GYG1: variants seen among roughly 807,000 people sequenced by gnomAD.
GYG1 encodes the protein glycogenin 1.
In GYG1, 44 loss-of-function variants were observed where a neutral mutation model predicts 41.9. The observed-to-expected ratio is 1.05, with a 90% CI of 0.83 to 1.35. The LOEUF (loss-of-function observed/expected upper bound fraction) is 1.35. GYG1 is among the 40% of genes most tolerant of loss of function. The pLI, the probability that GYG1 is intolerant of heterozygous loss-of-function variation, is 0.00. For synonymous variants in GYG1, 141 were observed against 158.1 expected (o/e 0.89, Z 0.81); for missense variants, 429 against 418.9 (o/e 1.02, Z -0.21).
In GYG1 at chr3:148,996,332, C is replaced by A; in HGVS notation, c.174C>A (p.Val58=). The A allele has an allele frequency of 6.2e-7, 1 of 1,611,644 alleles. No individual in the cohort carries two copies. Among genetic ancestry groups the A allele is most frequent in the South Asian group, 1.1e-5 (1 of 90,956 alleles). ...RKVLETVFDE[V]IMVDVLDSGD... is the part of the protein sequence containing the mutation. ...TTTTAGAGACAGTCTTTGATGAAGT[C>A]ATCATGGTAGATGTCTTGGACAGTG... Residue 58 remains valine, a synonymous_variant, in exon 3 of 8, where the codon GTC becomes GTA. Transcript: ENST00000345003.
chr3:148,998,514 C>T (rs1712929970), intron 4 of GYG1, among the ~76,000 whole-genome samples: 1 of 152,178 alleles, frequency 6.6e-6, no homozygotes, highest in South Asian at 2.1e-4. Flanking sequence ...AAACTCTGCT[C>T]TCTACATGCT....
At chr3:149,015,172 A>G (rs769437800) in intron 5 of GYG1, among the ~76,000 whole-genome samples, 1 of 152,194 alleles carries the variant, frequency 6.6e-6, no homozygotes, top group African/African-American at 2.4e-5. Context: ...TCGTAGGGGT[A>G]GGGATTGGTC....
At chr3:149,018,057 T>A (rs1022224860) in intron 5 of GYG1, among the ~76,000 whole-genome samples, 9 of 152,204 alleles carry the variant, frequency 5.9e-5, no homozygotes, top group African/African-American at 2.2e-4. Flanking sequence ...ACTTAAGAAG[T>A]AGTTTCTCCT....
rs368468774 is a variant in GYG1 at position 148,994,119 on chromosome 3, GT to G, written c.8-13del. 520 of 1,428,170 alleles carry G rather than the reference GT, an allele frequency of 3.6e-4. 2 individuals are homozygous for G. The highest frequency in any genetic ancestry group is 1.9e-3 in the African/African-American group (133 of 70,258). The allele number at this position is 1,428,170 out of a possible 1,614,324, so 88.5% of individuals were successfully genotyped here. A position where few individuals can be genotyped will look rare whatever the true frequency, so the allele number is the denominator to read the frequency against. On this transcript the variant is annotated intron_variant, in intron 1 of 7. Coordinates refer to ENST00000345003, the MANE Select transcript of GYG1 (RefSeq NM_004130.4). ...CTCCAGATAAGATACTGTAATGAGT[GT>G]TTTTTTTTTCTTTGTATTAAGATCA... is the stretch of plus-strand genomic sequence containing the variant.
intron 6 of GYG1, 62 bp downstream of exon 6, chr3:149,024,334 AAT>A: frequency 1.0e-6 from 1 of 989,124 alleles, no homozygotes; most frequent in Admixed American, 1.7e-5. Context: ...TTGTTGTATC[AAT>A]AGAGATGTGG....
intron 4 of GYG1, among the ~76,000 whole-genome samples, chr3:149,007,544 G>A (rs1056964055): frequency 6.6e-6 from 1 of 152,206 alleles, no homozygotes; most frequent in African/African-American, 2.4e-5. Context: ...GCAGAGGGTG[G>A]ATAAGGTACA....
chr3:149,015,709 T>A (rs1713985619), intron 5 of GYG1, among the ~76,000 whole-genome samples: 1 of 152,018 alleles, frequency 6.6e-6, no homozygotes, highest in South Asian at 2.1e-4. Flanking sequence ...GGAGGAGAAT[T>A]GGAGGCAGTG....
At chr3:149,024,829 T>C (rs1714565846) in intron 6 of GYG1, among the ~76,000 whole-genome samples, 1 of 152,236 alleles carries the variant, frequency 6.6e-6, no homozygotes, top group African/African-American at 2.4e-5. Context: ...AACAACCCTC[T>C]TTAGCATCTT....
intron 4 of GYG1, among the ~76,000 whole-genome samples, chr3:149,002,206 A>G (rs1713128782): frequency 6.6e-6 from 1 of 152,180 alleles, no homozygotes; most frequent in South Asian, 2.1e-4. Flanking sequence ...AGGGGCAAAA[A>G]TAGACTGGTA....
rs1714839752 is a variant in GYG1, at chr3:149,029,520, G to C, written c.*2587G>C. On this transcript the variant is annotated 3_prime_UTR_variant, in exon 8 of 8. Transcript: ENST00000345003. ...ATTGTCCTGCTGTATAACACATTTT[G>C]CAGATATTTTGAAGTTAATGTGTTA... is the stretch of plus-strand genomic sequence containing the variant. 6.6e-6 allele frequency among the ~76,000 whole-genome samples: 1 copy of C among 152,128 alleles called. No individual in the cohort carries two copies.
chr3:149,000,841 T>C (rs537748519), intron 4 of GYG1: 10 of 152,202 alleles, frequency 6.6e-5, no homozygotes, highest in Non-Finnish European at 1.2e-4. Flanking sequence ...AGAGAATAAA[T>C]TAGTAGCAGA....
chr3:149,009,500 A>G (rs1298497986), intron 5 of GYG1, 98 bp downstream of exon 5: 4 of 1,153,956 alleles, frequency 3.5e-6, no homozygotes, highest in Non-Finnish European at 5.2e-6. Flanking sequence ...GAGGGAAATA[A>G]CAGATAGACA....
chr3:148,995,743 G>A (rs1368480085), intron 2 of GYG1, among the ~76,000 whole-genome samples: 1 of 152,140 alleles, frequency 6.6e-6, no homozygotes, highest in Admixed American at 6.5e-5. Context: ...AGTATGATAC[G>A]TTTTTACCCG....
intron 2 of GYG1, 127 bp downstream of exon 2, chr3:148,994,404 A>G: frequency 1.0e-6 from 1 of 983,622 alleles, no homozygotes; most frequent in East Asian, 2.4e-5. Context: ...AAAATGAGAG[A>G]TGCTGAGTGC....
chr3:148,993,546 A>C (rs551236924), intron 1 of GYG1, among the ~76,000 whole-genome samples: 1 of 152,140 alleles, frequency 6.6e-6, no homozygotes, highest in Admixed American at 6.5e-5. Context: ...CACGTTGAGG[A>C]AACAGTTATG....
chr3:148,993,598 A>G (rs910696536), intron 1 of GYG1, among the ~76,000 whole-genome samples: 7 of 152,228 alleles, frequency 4.6e-5, no homozygotes, highest in Non-Finnish European at 1.0e-4. Flanking sequence ...AGCTATGATC[A>G]CACCACTCCA....
intron 4 of GYG1, among the ~76,000 whole-genome samples, chr3:149,008,440 G>A (rs1713531417): frequency 6.6e-6 from 1 of 152,168 alleles, no homozygotes; most frequent in South Asian, 2.1e-4. Context: ...GGTCGGTGGT[G>A]TGCACTATTT....
chr3:149,021,187 T>G (rs1347093407), intron 5 of GYG1, among the ~76,000 whole-genome samples: 1 of 152,226 alleles, frequency 6.6e-6, no homozygotes, highest in Non-Finnish European at 1.5e-5. Flanking sequence ...CTTGTCACCT[T>G]GCTTATTTTT....
Position 149,027,017 on chromosome 3 carries a change from C to CT in GYG1, c.*85dup, listed in dbSNP as rs755691102. The CT allele has an allele frequency of 8.6e-6, 12 of 1,403,260 alleles. No individual in the cohort carries two copies. In the African/African-American group the frequency reaches 1.3e-4, roughly 15 times the overall value. 86.9% of individuals were successfully genotyped at this position (1,403,260 alleles called of 1,614,324 possible). A position where few individuals can be genotyped will look rare whatever the true frequency, so the allele number is the denominator to read the frequency against. On this transcript the variant is annotated 3_prime_UTR_variant, in exon 8 of 8. Coordinates refer to ENST00000345003, the MANE Select transcript of GYG1 (RefSeq NM_004130.4). Reference sequence around the variant, plus strand: ...TATCTAGAGCTGGGTTGAGAAAAGTCTGTTACAGTTGCTAGAGGTTTTCAT... The same window carrying CT: ...TATCTAGAGCTGGGTTGAGAAAAGTCTTGTTACAGTTGCTAGAGGTTTTCAT...
Sources: gnomAD v4.1 joint callset for allele counts (sites outside exome capture counted in the v4.1 genomes callset) on GRCh38, gnomAD v4.1.1 for gene constraint, MANE v1.5 for transcripts, NCBI Gene and HGNC (gene_info 2026-07-23, HGNC 2026-07-21) for gene names.